Variants in ZNF571 observed in about 807,000 individuals in gnomAD.
ZNF571 encodes the protein zinc finger protein 571.
ZNF571 carries 4 observed loss-of-function variants against 7.7 expected under a neutral mutation model. The ratio of observed to expected loss-of-function variants is 0.52; its 90% CI spans 0.25 to 1.18. The LOEUF (loss-of-function observed/expected upper bound fraction) is 1.18. Among genes scored for constraint, ZNF571 ranks in the 50% most tolerant of loss-of-function variants. The pLI is 0.14. For missense variants in ZNF571, 704 were observed against 726.9 expected (o/e 0.97, Z 0.36); for synonymous variants, 251 against 232.4 (o/e 1.08, Z -0.73).
At chr19:37,589,864 CAAAAAAAAAAA>C (rs60136941) in intron 1 of ZNF571, among the ~76,000 whole-genome samples, 7 of 29,588 alleles carry the variant, frequency 2.4e-4, no homozygotes, top group African/African-American at 1.0e-3. Flanking sequence ...GACTCCATCT[CAAAAAAAAAAA>C]AAAAAAAAAA....
chr19:37,591,235 T>C lies in ZNF571; in HGVS notation c.-70+3506A>G, dbSNP rs967021067. On this transcript the variant is annotated intron_variant, in intron 1 of 3. Transcript: ENST00000451802. Reference sequence around the variant, plus strand: ...AGAACTCCTTAGAGAAATGGCTCATTTCAGGGCTGGCACAGGAAATGTAGA... The same window carrying C: ...AGAACTCCTTAGAGAAATGGCTCATCTCAGGGCTGGCACAGGAAATGTAGA... Among the ~76,000 whole-genome samples, 6 of 152,188 alleles carry C rather than the reference T, an allele frequency of 3.9e-5. No homozygotes were observed. The East Asian group carries it at 1.2e-3, about 29-fold the overall frequency.
Position 37,565,180 on chromosome 19 carries a change from C to T in ZNF571, c.1248G>A (p.Glu416=). The part of the protein sequence containing the change: ...LIQHQRIHTG[E]KPYKCKECGK... ...CACATTCCTTACATTTGTAGGGCTT[C>T]TCTCCGGTATGAATTCTTTGATGTT... Residue 416 remains glutamate (E), a synonymous_variant, in exon 4 of 4, where the codon GAG becomes GAA. Transcript: ENST00000451802. 1 of 1,613,228 alleles carries T rather than the reference C, an allele frequency of 6.2e-7. No homozygotes were observed. The highest frequency in any genetic ancestry group is 8.5e-7 in the Non-Finnish European group (1 of 1,179,774).
chr19:37,577,040 G>A (rs951495209), intron 3 of ZNF571, among the ~76,000 whole-genome samples: 17 of 152,078 alleles, frequency 1.1e-4, no homozygotes, highest in Non-Finnish European at 2.1e-4. Context: ...TTAGGTCATG[G>A]TGCAGCTTAT....
At chr19:37,568,393 G>A (rs1347885851) in intron 3 of ZNF571, among the ~76,000 whole-genome samples, 3 of 149,288 alleles carry the variant, frequency 2.0e-5, no homozygotes, top group Admixed American at 2.0e-4. Context: ...CCTAGAACAA[G>A]ATAGACCCTG....
chr19:37,589,631 T>G (rs1366225427), intron 1 of ZNF571, among the ~76,000 whole-genome samples: 1 of 151,968 alleles, frequency 6.6e-6, no homozygotes, highest in African/African-American at 2.4e-5. Context: ...GATACACCTA[T>G]CAGATCTGGA....
At chr19:37,577,661 G>C (rs1240263627) in intron 3 of ZNF571, among the ~76,000 whole-genome samples, 1 of 152,172 alleles carries the variant, frequency 6.6e-6, no homozygotes, top group East Asian at 1.9e-4. Context: ...AGATCCATGA[G>C]TAGAAGTGAA....
chr19:37,594,776 T>C lies in ZNF571; in HGVS notation c.-105A>G, dbSNP rs552747968. 3.9e-5 allele frequency: 6 copies of C among 152,280 alleles called. No homozygotes were observed. In the East Asian group the frequency reaches 7.7e-4, roughly 20 times the overall value. 9.4% of individuals were successfully genotyped at this position (152,280 alleles called of 1,614,324 possible). A position where few individuals can be genotyped will look rare whatever the true frequency, so the allele number is the denominator to read the frequency against. Reference sequence around the variant, plus strand: ...CAGACAAGCTCCGTGCGTCAAGACATAACAGCGTAAGTGTACGACGTTGCG... The same window carrying C: ...CAGACAAGCTCCGTGCGTCAAGACACAACAGCGTAAGTGTACGACGTTGCG... On this transcript the variant is annotated 5_prime_UTR_variant, in exon 1 of 4. The change abolishes an upstream ATG in the 5' untranslated region. Coordinates refer to ENST00000451802, the MANE Select transcript of ZNF571 (RefSeq NM_016536.5).
At chr19:37,568,317 A>ACC (rs5827983) in intron 3 of ZNF571, among the ~76,000 whole-genome samples, 5,821 of 141,700 alleles carry the variant, frequency 0.041, 137 homozygotes, top group South Asian at 0.051. Context: ...AAAAGCAACT[A>ACC]CCCCCCCCCA....
chr19:37,574,664 C>T (rs1032247228), intron 3 of ZNF571, among the ~76,000 whole-genome samples: 1 of 152,122 alleles, frequency 6.6e-6, no homozygotes, highest in Non-Finnish European at 1.5e-5. Context: ...TTCAACAAAC[C>T]TAAACATAGC....
chr19:37,570,671 T>G (rs1379082155), intron 3 of ZNF571, among the ~76,000 whole-genome samples: 1 of 152,216 alleles, frequency 6.6e-6, no homozygotes, highest in Admixed American at 6.5e-5. Flanking sequence ...ATACACTGAT[T>G]GGCTCTTTAC....
chr19:37,566,916 C>T lies in ZNF571; in HGVS notation c.137-625G>A, dbSNP rs147488686. 3.1e-3 allele frequency among the ~76,000 whole-genome samples: 473 copies of T among 152,278 alleles called. 2 individuals carry two copies. The highest frequency in any genetic ancestry group is 0.011 in the African/African-American group (457 of 41,556). ...GACCCTACACAAGCTTGCCTGTGGC[C>T]ACTTTTCTTATGTCATCTCCCACTT... On this transcript the variant is annotated intron_variant, in intron 3 of 3. Coordinates refer to ENST00000451802, the MANE Select transcript of ZNF571 (RefSeq NM_016536.5).
At chr19:37,589,487 T>TAA (rs145902538) in intron 1 of ZNF571, among the ~76,000 whole-genome samples, 12 of 150,406 alleles carry the variant, frequency 8.0e-5, no homozygotes, top group South Asian at 4.2e-4. Context: ...AGACAATTCA[T>TAA]AAAAAAAAAG....
chr19:37,593,837 G>A (rs542018705), intron 1 of ZNF571, among the ~76,000 whole-genome samples: 3 of 152,284 alleles, frequency 2.0e-5, no homozygotes, highest in Non-Finnish European at 4.4e-5. Flanking sequence ...CATTTATGGG[G>A]TGCCTAAGGA....
chr19:37,590,285 T>C lies in ZNF571; in HGVS notation c.-69-3540A>G, dbSNP rs1041614135. ...AAAAAAAATTAGCTGGGCGTGGTGG[T>C]GGGCACCTGTAGTCCCAGCTACTTG... On this transcript the variant is annotated intron_variant, in intron 1 of 3. Coordinates refer to ENST00000451802, the MANE Select transcript of ZNF571 (RefSeq NM_016536.5). Among the ~76,000 whole-genome samples the C allele has an allele frequency of 3.3e-5, 5 of 151,720 alleles. No homozygotes were observed. In the South Asian group the frequency reaches 6.3e-4, roughly 19 times the overall value.
chr19:37,567,456 C>T (rs1343150776), intron 3 of ZNF571, among the ~76,000 whole-genome samples: 3 of 152,178 alleles, frequency 2.0e-5, no homozygotes, highest in Non-Finnish European at 4.4e-5. Flanking sequence ...CTATTCATGG[C>T]CTACAAGCCC....
At chr19:37,589,289 C>G (rs370029823) in intron 1 of ZNF571, among the ~76,000 whole-genome samples, 5 of 150,854 alleles carry the variant, frequency 3.3e-5, no homozygotes, top group African/African-American at 9.7e-5. Flanking sequence ...TTCTGTATCT[C>G]ACAATCATAT....
intron 3 of ZNF571, among the ~76,000 whole-genome samples, chr19:37,582,204 A>G (rs2043495191): frequency 6.6e-6 from 1 of 152,124 alleles, no homozygotes; most frequent in South Asian, 2.1e-4. Context: ...TCTCTTTTAA[A>G]TACTCCACAA....
intron 3 of ZNF571, among the ~76,000 whole-genome samples, chr19:37,581,239 C>G (rs879130310): frequency 6.6e-6 from 1 of 152,088 alleles, no homozygotes; most frequent in African/African-American, 2.4e-5. Flanking sequence ...TTTCCTACCC[C>G]CAATTGCCAA....
chr19:37,585,896 C>T (rs147941255), intron 2 of ZNF571: 1 of 152,136 alleles, frequency 6.6e-6, no homozygotes, highest in Non-Finnish European at 1.5e-5. Flanking sequence ...ATGATGAAAG[C>T]ACAAGTCAAA....
Sources: allele counts gnomAD v4.1 joint callset (sites outside exome capture counted in the v4.1 genomes callset), GRCh38; gene constraint gnomAD v4.1.1; transcripts MANE v1.5; gene names NCBI Gene and HGNC (gene_info 2026-07-23, HGNC 2026-07-21).